Variants in LRRC71 observed in about 807,000 individuals in gnomAD.
LRRC71 encodes leucine rich repeat containing 71, also known as leucine-rich repeat-containing protein 71.
In LRRC71, 54 loss-of-function variants were observed where a neutral mutation model predicts 66.6. That is an observed-to-expected ratio of 0.81 (90% confidence interval 0.65 to 1.02). The LOEUF (loss-of-function observed/expected upper bound fraction) is 1.02, where lower values mean the gene tolerates loss of function less well. Ranked by LOEUF, LRRC71 falls within the 50% of genes least tolerant of loss-of-function variation. LRRC71 has a pLI of 0.00. For missense variants in LRRC71, 724 were observed against 718.0 expected, an observed-to-expected ratio of 1.01 and a Z score of -0.10; for synonymous variants, 323 against 303.9, an observed-to-expected ratio of 1.06 and a Z score of -0.65.
intron 12 of LRRC71, 24 bp from the exon 13 acceptor site, chr1:156,931,892 G>A: frequency 1.3e-6 from 2 of 1,541,560 alleles, no homozygotes; most frequent in Non-Finnish European, 1.8e-6. Context: ...GCTGTCTGCT[G>A]CAATTAGTAT....
rs1652238940 is a variant in LRRC71 at position 156,920,816 on chromosome 1, C to G, written c.13C>G (p.Gln5Glu). The change falls in exon 1 of 15, where the codon CAG becomes GAG. Residue 5 changes from glutamine to glutamate, a missense_variant. Coordinates refer to ENST00000337428, the MANE Select transcript of LRRC71 (RefSeq NM_144702.3). The surrounding 1 kb of genome is among the most constrained non-coding windows in gnomAD (Gnocchi z 4.9). ...GGACAACACCAGCATGTCGAGCGAG[C>G]AGAGCGCGCCGGGGGCCTCACCCAG... is the stretch of plus-strand genomic sequence containing the variant. The part of the protein sequence containing the change: MSSE[Q>E]SAPGASPRAP... 3 of 1,526,206 alleles carry G rather than the reference C, an allele frequency of 2.0e-6. No individual in the cohort carries two copies. In the African/African-American group the frequency reaches 4.2e-5, roughly 21 times the overall value. The allele number at this position is 1,526,206 out of a possible 1,614,324, so 94.5% of individuals were successfully genotyped here.
chr1:156,936,680 G>A, downstream of LRRC71: 2 of 1,050,792 alleles, frequency 1.9e-6, no homozygotes, highest in Non-Finnish European at 2.8e-6. Flanking sequence ...CTCTGAAGCT[G>A]AGAGAATGAA....
rs1285699863 is a variant in LRRC71 at position 156,932,421 on chromosome 1, C to A, written c.1442-3C>A. On this transcript the variant is annotated splice_polypyrimidine_tract_variant and splice_region_variant and intron_variant, in intron 13 of 14. Coordinates refer to ENST00000337428, the MANE Select transcript of LRRC71 (RefSeq NM_144702.3). ...GAGGCCACCTGTCTGTAACTTCCAC[C>A]AGGGAACCGCATCACAGAGGTGGGG... The A allele has an allele frequency of 6.2e-7, 1 of 1,612,160 alleles. No homozygotes were observed.
At chr1:156,927,689 C>G in intron 7 of LRRC71, 34 bp downstream of exon 7, 2 of 1,606,708 alleles carry the variant, frequency 1.2e-6, no homozygotes, top group Non-Finnish European at 1.7e-6. Flanking sequence ...CTGCTGGGAG[C>G]AGGGGCGGCT....
chr1:156,937,235 C>T (rs200474871), downstream of LRRC71: 21 of 1,608,434 alleles, frequency 1.3e-5, no homozygotes, highest in Non-Finnish European at 1.7e-5. Flanking sequence ...GGACCCAAGC[C>T]CTGCTTCCCT....
chr1:156,939,842 G>A, the LRRC71 span: 1 of 1,612,422 alleles, frequency 6.2e-7, no homozygotes, highest in Non-Finnish European at 8.5e-7. Flanking sequence ...TCGGGCTCCT[G>A]GGCAGCCTGA....
chr1:156,927,625 C>A lies in LRRC71; in HGVS notation c.792C>A (p.Ile264=). ...LVSLNLGFNH[I]GDEGAGYIAD... ...CGCTCAACCTGGGTTTCAACCACAT[C>A]GGTGACGAGGGCGCAGGCTACATCG... The change falls in exon 7 of 15, where the codon ATC becomes ATA. Residue 264 remains isoleucine (I), a synonymous_variant. Coordinates refer to ENST00000337428, the MANE Select transcript of LRRC71 (RefSeq NM_144702.3). 1 of 1,603,182 alleles carries A rather than the reference C, an allele frequency of 6.2e-7. No homozygotes were observed. Among genetic ancestry groups the A allele is most frequent in the South Asian group, 1.1e-5 (1 of 89,562 alleles).
At chr1:156,939,562 T>C in the LRRC71 span, 1 of 1,611,932 alleles carries the variant, frequency 6.2e-7, no homozygotes, top group South Asian at 1.1e-5. Flanking sequence ...TCTCACAACT[T>C]TGTAACCTCC....
intron 14 of LRRC71, 31 bp from the exon 15 acceptor site, chr1:156,932,820 CTT>C (rs767651326): frequency 7.0e-5 from 108 of 1,540,456 alleles, no homozygotes; most frequent in African/African-American, 3.2e-4. Flanking sequence ...CTTCATTCCT[CTT>C]GTCAGATGTC....
chr1:156,934,561 ATATG>A (rs1476792962), downstream of LRRC71, among the ~76,000 whole-genome samples: 8 of 152,016 alleles, frequency 5.3e-5, no homozygotes, highest in South Asian at 1.5e-3. Context: ...GTATATCTAT[ATATG>A]TGTGTATATA....
chr1:156,932,844 T>A lies in LRRC71; in HGVS notation c.1564-9T>A. Reference sequence around the variant, plus strand: ...TCTTGTCAGATGTCAGCCTTCCTTTTCTTTTCAGAAAAATTGCTTCGCCCC... The same window carrying A: ...TCTTGTCAGATGTCAGCCTTCCTTTACTTTTCAGAAAAATTGCTTCGCCCC... On this transcript the variant is annotated splice_polypyrimidine_tract_variant and intron_variant, in intron 14 of 14. Coordinates refer to ENST00000337428, the MANE Select transcript of LRRC71 (RefSeq NM_144702.3). 2 of 1,606,296 alleles carry A rather than the reference T, an allele frequency of 1.2e-6. No homozygotes were observed. The highest frequency in any genetic ancestry group is 1.7e-6 in the Non-Finnish European group (2 of 1,176,560).
the LRRC71 span, chr1:156,939,529 A>G: frequency 6.2e-7 from 1 of 1,607,054 alleles, no homozygotes; most frequent in African/African-American, 1.3e-5. Context: ...TCCCCACTGG[A>G]CACTCCCATT....
At position 156,925,442 on chromosome 1, in the gene LRRC71, T is replaced by C. The variant is rs186448356; in HGVS notation, c.593+427T>C. 9.0e-4 allele frequency among the ~76,000 whole-genome samples: 137 copies of C among 152,276 alleles called. No homozygotes were observed. The Middle Eastern group carries it at 0.017, about 19-fold the overall frequency. On this transcript the variant is annotated intron_variant, in intron 5 of 14. Transcript: ENST00000337428. ...AAATACTGCAGGGCAATGTGGAGAC[T>C]GGTGATGGAGGACTGGTTCATCAGA...
chr1:156,940,103 C>G, the LRRC71 span: 1 of 1,427,934 alleles, frequency 7.0e-7, no homozygotes, highest in Non-Finnish European at 9.4e-7. Flanking sequence ...CTCAAGCACA[C>G]CAGGAAGAGC....
intron 1 of LRRC71, among the ~76,000 whole-genome samples, chr1:156,921,347 C>G (rs962790546): frequency 3.3e-5 from 5 of 152,170 alleles, no homozygotes; most frequent in Non-Finnish European, 5.9e-5. Flanking sequence ...AGTCCTGCCC[C>G]CATGGGGTTT....
chr1:156,924,499 A>C lies in LRRC71; in HGVS notation c.386A>C (p.Gln129Pro). 6.4e-7 allele frequency: 1 copy of C among 1,551,424 alleles called. No individual in the cohort carries two copies. ...TACGTGTTCTTCCGGCCCACCATCC[A>C]GGTGGAGCTGGAGCAGGAGGACAGC... Reference protein sequence around the residue: ...SKYVFFRPTIQVELEQEDSKS... With the variant: ...SKYVFFRPTIPVELEQEDSKS... The change falls in exon 3 of 15, where the codon CAG (glutamine) becomes CCG (proline). Residue 129 changes from glutamine to proline, a missense_variant. Physicochemically the swap from Gln to Pro is moderately conservative, Grantham distance 76. Coordinates refer to ENST00000337428, the MANE Select transcript of LRRC71 (RefSeq NM_144702.3).
In LRRC71 at chr1:156,932,888, C is replaced by T. The variant is rs1284703703; in HGVS notation, c.1599C>T (p.Ala533=). The T allele has an allele frequency of 1.9e-6, 3 of 1,609,026 alleles. No homozygotes were observed. In the African/African-American group the frequency reaches 4.0e-5, roughly 22 times the overall value. The change falls in exon 15 of 15, where the codon GCC becomes GCT. Residue 533 remains alanine, a synonymous_variant. Coordinates refer to ENST00000337428, the MANE Select transcript of LRRC71 (RefSeq NM_144702.3). ...TCGCCCCACAATGTCCTGCGTACGCCATAATCCAGGAGCTGATGTTGCCAA... is the reference window on the plus strand; with the variant it reads ...TCGCCCCACAATGTCCTGCGTACGCTATAATCCAGGAGCTGATGTTGCCAA... The part of the protein sequence containing the change: ...NCFAPQCPAY[A]IIQELMLPRD...
chr1:156,938,543 G>C, the LRRC71 span: 1 of 1,603,534 alleles, frequency 6.2e-7, no homozygotes, highest in South Asian at 1.1e-5. Flanking sequence ...ACCAGGAAGA[G>C]GAGAGACCAA....
downstream of LRRC71, chr1:156,934,746 C>T (rs927267236): frequency 2.6e-5 from 4 of 151,646 alleles, no homozygotes; most frequent in African/African-American, 9.7e-5. Flanking sequence ...AGAGGGCTCC[C>T]TCTGGTTCCC....
Sources: gnomAD v4.1 joint callset for allele counts (sites outside exome capture counted in the v4.1 genomes callset) on GRCh38, gnomAD v4.1.1 for gene constraint, Gnocchi (gnomAD v3.1) non-coding constraint, MANE v1.5 for transcripts, NCBI Gene and HGNC (gene_info 2026-07-23, HGNC 2026-07-21) for gene names.